Variants in MAML3 observed in about 807,000 individuals in gnomAD.
MAML3 encodes the protein mastermind-like protein 3.
A neutral mutation model predicts 101.9 loss-of-function variants in MAML3; 27 were observed. That is an observed-to-expected ratio of 0.27 (90% CI 0.20 to 0.37). The LOEUF (loss-of-function observed/expected upper bound fraction) is 0.37, where lower values mean the gene tolerates loss of function less well. Ranked by LOEUF, MAML3 falls within the 10% of genes least tolerant of loss-of-function variation. The pLI, the probability that MAML3 is intolerant of heterozygous loss-of-function variation, is 1.00. For synonymous variants in MAML3, 501 were observed against 555.9 expected (o/e 0.90, Z 1.39); for missense variants, 1,316 against 1,444.9 (o/e 0.91, Z 1.45).
chr4:140,133,364 G>A (rs1393375915), intron 1 of MAML3, among the ~76,000 whole-genome samples: 1 of 152,054 alleles, frequency 6.6e-6, no homozygotes, highest in Non-Finnish European at 1.5e-5. Context: ...AATGTCCCCT[G>A]GTGCTTTATA....
chr4:139,754,838 T>C (rs1211284739), intron 2 of MAML3, among the ~76,000 whole-genome samples: 1 of 152,254 alleles, frequency 6.6e-6, no homozygotes. Context: ...ATAAAACTAA[T>C]TTTTAAAATT....
intron 1 of MAML3, chr4:140,134,630 T>C (rs1039195612): frequency 7.0e-6 from 2 of 285,526 alleles, no homozygotes; most frequent in Non-Finnish European, 1.4e-5. Flanking sequence ...TACATATACA[T>C]ACATGTGTAT....
At chr4:140,037,972 G>A (rs1321524502) in intron 1 of MAML3, among the ~76,000 whole-genome samples, 1 of 152,204 alleles carries the variant, frequency 6.6e-6, no homozygotes, top group African/African-American at 2.4e-5. Flanking sequence ...TGCAATGTGA[G>A]AGAAGTCTCG....
intron 2 of MAML3, among the ~76,000 whole-genome samples, chr4:139,826,097 G>A (rs923087438): frequency 2.6e-5 from 4 of 151,928 alleles, no homozygotes; most frequent in South Asian, 4.2e-4. Context: ...GCTAGGATGG[G>A]TCTCTGATTC....
chr4:140,144,367 CA>C (rs1729022871), intron 1 of MAML3, among the ~76,000 whole-genome samples: 1 of 151,794 alleles, frequency 6.6e-6, no homozygotes, highest in Non-Finnish European at 1.5e-5. Flanking sequence ...GGAAACACAG[CA>C]AAAACCCACC....
chr4:139,971,461 C>T (rs917248074), intron 1 of MAML3, among the ~76,000 whole-genome samples: 13 of 152,132 alleles, frequency 8.5e-5, no homozygotes, highest in African/African-American at 2.7e-4. Flanking sequence ...AGAGAATAAA[C>T]CCTCAATATT....
intron 1 of MAML3, among the ~76,000 whole-genome samples, chr4:140,047,021 A>G (rs1487333190): frequency 6.6e-6 from 1 of 152,132 alleles, no homozygotes; most frequent in African/African-American, 2.4e-5. Flanking sequence ...AAAAGTGGCC[A>G]TGGTGTTTCG....
intron 1 of MAML3, among the ~76,000 whole-genome samples, chr4:140,087,864 G>A (rs999128567): frequency 5.3e-5 from 8 of 152,074 alleles, no homozygotes; most frequent in South Asian, 2.1e-4. Context: ...AACTCTTTAC[G>A]ATGAAAAACA....
At chr4:139,973,449 C>A (rs1365683672) in intron 1 of MAML3, among the ~76,000 whole-genome samples, 2 of 152,122 alleles carry the variant, frequency 1.3e-5, no homozygotes, top group Non-Finnish European at 2.9e-5. Flanking sequence ...ATTATTGATT[C>A]GTTTGGGCGG....
At chr4:139,859,371 ATTT>A (rs11343508) in intron 2 of MAML3, among the ~76,000 whole-genome samples, 4 of 140,616 alleles carry the variant, frequency 2.8e-5, no homozygotes, top group Non-Finnish European at 3.1e-5. Context: ...TGCCTGGCTA[ATTT>A]TTTTTTTTTT....
intron 1 of MAML3, among the ~76,000 whole-genome samples, chr4:139,960,366 C>T (rs1026209324): frequency 2.0e-5 from 3 of 152,174 alleles, no homozygotes; most frequent in African/African-American, 7.2e-5. Context: ...TCCCTCACTA[C>T]CTTTTAAAAT....
At chr4:139,762,264 G>A (rs1216677125) in intron 2 of MAML3, among the ~76,000 whole-genome samples, 1 of 152,158 alleles carries the variant, frequency 6.6e-6, no homozygotes, top group African/African-American at 2.4e-5. Flanking sequence ...CACAATAGGT[G>A]ACTAAAAAGG....
chr4:139,937,531 C>A (rs1317679459), intron 1 of MAML3, among the ~76,000 whole-genome samples: 1 of 151,938 alleles, frequency 6.6e-6, no homozygotes, highest in Non-Finnish European at 1.5e-5. Context: ...GGATTACAGG[C>A]ATCTACCACC....
At chr4:140,147,663 CTCTTTA>C (rs1280602333) in intron 1 of MAML3, among the ~76,000 whole-genome samples, 1 of 152,154 alleles carries the variant, frequency 6.6e-6, no homozygotes, top group Non-Finnish European at 1.5e-5. Flanking sequence ...AAATATGTTC[CTCTTTA>C]TAAGAGTCTG....
At chr4:140,021,583 A>C (rs1271797461) in intron 1 of MAML3, among the ~76,000 whole-genome samples, 2 of 152,024 alleles carry the variant, frequency 1.3e-5, no homozygotes, top group African/African-American at 2.4e-5. Context: ...TTCCTTACCT[A>C]ATTTTTTTTC....
At chr4:139,728,345 G>A (rs1045191793) in intron 3 of MAML3, among the ~76,000 whole-genome samples, 4 of 152,242 alleles carry the variant, frequency 2.6e-5, no homozygotes, top group African/African-American at 4.8e-5. Context: ...CCATGTGGCT[G>A]CAGCTCTCAC....
Position 139,999,352 on chromosome 4 carries a change from C to T in MAML3, c.469-108385G>A, listed in dbSNP as rs540095958. ...TGCCTGTCCTTTATGGACTGTGGTC[C>T]TCTACTCCTAGAATCTCCATGACAA... On this transcript the variant is annotated intron_variant, in intron 1 of 4. Coordinates refer to ENST00000509479, the MANE Select transcript of MAML3 (RefSeq NM_018717.5). Among the ~76,000 whole-genome samples, 28 of 152,320 alleles carry T rather than the reference C, an allele frequency of 1.8e-4. No individual in the cohort carries two copies. In the South Asian group the frequency reaches 3.9e-3, roughly 21 times the overall value.
At position 139,863,233 on chromosome 4, in the gene MAML3, C is replaced by A. The variant is rs535064843; in HGVS notation, c.2079+26124G>T. 4.0e-5 allele frequency among the ~76,000 whole-genome samples: 6 copies of A among 150,966 alleles called. No homozygotes were observed. In the South Asian group the frequency reaches 1.0e-3, roughly 26 times the overall value. ...GAGTTGATATATGTGAAATGCTTAGCATAATGTTTAACATTCAGGTGTTAA... is the reference window on the plus strand; with the variant it reads ...GAGTTGATATATGTGAAATGCTTAGAATAATGTTTAACATTCAGGTGTTAA... On this transcript the variant is annotated intron_variant, in intron 2 of 4. Coordinates refer to ENST00000509479, the MANE Select transcript of MAML3 (RefSeq NM_018717.5).
chr4:140,036,532 T>C (rs535102173), intron 1 of MAML3, among the ~76,000 whole-genome samples: 7 of 152,284 alleles, frequency 4.6e-5, no homozygotes, highest in Admixed American at 1.3e-4. Flanking sequence ...TGCAACTTCT[T>C]TGATGGCTCA....
Sources: gnomAD v4.1 joint callset for allele counts (sites outside exome capture counted in the v4.1 genomes callset) on GRCh38, gnomAD v4.1.1 for gene constraint, MANE v1.5 for transcripts, NCBI Gene and HGNC (gene_info 2026-07-23, HGNC 2026-07-21) for gene names.